Variants in GCNT4 observed in about 807,000 individuals in gnomAD.
GCNT4 encodes the protein glucosaminyl (N-acetyl) transferase 4.
Under a neutral mutation model 31.3 loss-of-function variants are expected in GCNT4, and 17 were observed. The ratio of observed to expected loss-of-function variants is 0.54; its 90% CI spans 0.37 to 0.81. GCNT4 has a LOEUF of 0.81. Ranked by LOEUF, GCNT4 falls within the 40% of genes least tolerant of loss-of-function variation. GCNT4 has a pLI of 0.00. For missense variants in GCNT4, 503 were observed against 525.5 expected (o/e 0.96, Z 0.42); for synonymous variants, 158 against 190.6 (o/e 0.83, Z 1.41).
intron 3 of GCNT4, among the ~76,000 whole-genome samples, chr5:75,040,305 A>T (rs1743291385): frequency 6.7e-6 from 1 of 150,082 alleles, no homozygotes; most frequent in South Asian, 2.1e-4. Context: ...CTCCTATCAC[A>T]CTCCTTGTTT....
At chr5:75,039,070 CTGTTTTTTTT>C (rs1296318645) in intron 3 of GCNT4, among the ~76,000 whole-genome samples, 3 of 151,878 alleles carry the variant, frequency 2.0e-5, no homozygotes, top group African/African-American at 7.3e-5. Flanking sequence ...ATCTTATTCA[CTGTTTTTTTT>C]TGTTTTGTTT....
rs73765652 is a variant in GCNT4, at chr5:75,034,776, C to G, written c.-1-4738G>C. ...ATGGTCTATAATAATTCAGTAAAAA[C>G]CTACTCCTCACTAAAGTCCCAATAG... On this transcript the variant is annotated intron_variant, in intron 3 of 3. Coordinates refer to ENST00000652361, the MANE Select transcript of GCNT4 (RefSeq NM_001366737.1). Among the ~76,000 whole-genome samples the G allele has an allele frequency of 8.1e-3, 1,239 of 152,332 alleles. 14 individuals carry two copies. The highest frequency in any genetic ancestry group is 0.029 in the African/African-American group (1,192 of 41,568).
chr5:75,036,166 A>C (rs12655792), intron 3 of GCNT4, among the ~76,000 whole-genome samples: 13,998 of 152,080 alleles, frequency 0.092, 798 homozygotes, highest in East Asian at 0.21. Context: ...AAAAAAAAAA[A>C]ACCTGTGTAT....
chr5:75,018,439 G>A, the GCNT4 span, among the ~76,000 whole-genome samples: 4 of 151,840 alleles, frequency 2.6e-5, no homozygotes, highest in African/African-American at 7.3e-5. Flanking sequence ...GTGCCACCAC[G>A]CCCAGCTAAT....
the GCNT4 span, among the ~76,000 whole-genome samples, chr5:75,017,246 T>C: frequency 1.3e-5 from 2 of 152,306 alleles, no homozygotes; most frequent in Admixed American, 6.5e-5. Flanking sequence ...ACAGCTTTTT[T>C]CCCCTCCATT....
In GCNT4 at chr5:75,025,895, A is replaced by G. The variant is rs1357316848; in HGVS notation, c.*2781T>C. The stretch of plus-strand genomic sequence containing the variant: ...TTCTGGTCTGATCTCTGAATAACTT[A>G]AAGTCTAGATTCAATAAATACAAAG... On this transcript the variant is annotated 3_prime_UTR_variant, in exon 4 of 4. Coordinates refer to ENST00000652361, the MANE Select transcript of GCNT4 (RefSeq NM_001366737.1). 6.6e-6 allele frequency: 1 copy of G among 152,216 alleles called. No homozygotes were observed. The highest frequency in any genetic ancestry group is 2.4e-5 in the African/African-American group (1 of 41,444). 9.4% of individuals were successfully genotyped at this position (152,216 alleles called of 1,614,324 possible).
chr5:75,029,631 G>T lies in GCNT4; in HGVS notation c.407C>A (p.Ser136Tyr). The T allele has an allele frequency of 1.2e-6, 2 of 1,614,092 alleles. No individual in the cohort carries two copies. Among genetic ancestry groups the T allele is most frequent in the Non-Finnish European group, 1.7e-6 (2 of 1,180,030 alleles). ...KEEKSFPIAY[S>Y]LVVHKDAIMV... is the part of the protein sequence containing the mutation. ...AATTGCATCTTTGTGGACAACCAAA[G>T]AATAGGCTATTGGGAAGCTTTTCTC... Residue 136 changes from serine (S) to tyrosine (Y), a missense_variant, in exon 4 of 4, where the codon TCT (serine) becomes TAT (tyrosine). Coordinates refer to ENST00000652361, the MANE Select transcript of GCNT4 (RefSeq NM_001366737.1).
rs1743414863 is a variant in GCNT4 at position 75,045,371 on chromosome 5, G to A, written c.-2+2526C>T. Among the ~76,000 whole-genome samples, 2 of 152,106 alleles carry A rather than the reference G, an allele frequency of 1.3e-5. 1 individual carries two copies. The highest frequency in any genetic ancestry group is 4.1e-4 in the South Asian group (2 of 4,824). On this transcript the variant is annotated intron_variant, in intron 3 of 3. Transcript: ENST00000652361. Reference sequence around the variant, plus strand: ...TTTACTCTAGGCCTCTATATCATAGGAATCATACAATATTTGTCCAATATT... The same window carrying A: ...TTTACTCTAGGCCTCTATATCATAGAAATCATACAATATTTGTCCAATATT...
chr5:75,050,751 C>T (rs750871638), intron 2 of GCNT4, among the ~76,000 whole-genome samples: 9 of 152,254 alleles, frequency 5.9e-5, no homozygotes, highest in Non-Finnish European at 1.2e-4. Context: ...CTCTCACACC[C>T]TACACAAAAC....
upstream of GCNT4, among the ~76,000 whole-genome samples, chr5:75,053,757 C>A (rs1361040741): frequency 1.3e-5 from 2 of 152,136 alleles, no homozygotes; most frequent in African/African-American, 2.4e-5. Flanking sequence ...GAGCTCCCTG[C>A]CCTGCGCTCC....
rs1307299562 is a variant in GCNT4 at position 75,025,628 on chromosome 5, T to C, written c.*3048A>G. On this transcript the variant is annotated 3_prime_UTR_variant, in exon 4 of 4. Transcript: ENST00000652361. ...TCACAAAGTGGATTATCATTTTTAT[T>C]TTCCATGAAATATGTCAAAATATAT... The C allele has an allele frequency of 6.6e-6, 1 of 152,248 alleles. No individual in the cohort carries two copies. Among genetic ancestry groups the C allele is most frequent in the East Asian group, 1.9e-4 (1 of 5,202 alleles). 9.4% of individuals were successfully genotyped at this position (152,248 alleles called of 1,614,324 possible).
upstream of GCNT4, among the ~76,000 whole-genome samples, chr5:75,053,060 A>G (rs1334292249): frequency 6.6e-6 from 1 of 151,828 alleles, no homozygotes; most frequent in Admixed American, 6.6e-5. Context: ...GAGCCCAGGA[A>G]GCCGGCTCCG....
intron 3 of GCNT4, among the ~76,000 whole-genome samples, chr5:75,039,870 T>C (rs1047903992): frequency 6.6e-6 from 1 of 152,114 alleles, no homozygotes; most frequent in Non-Finnish European, 1.5e-5. Flanking sequence ...CTAATCCCAC[T>C]CCCTACATCT....
chr5:75,026,400 C>T lies in GCNT4; in HGVS notation c.*2276G>A, dbSNP rs577616157. The T allele has an allele frequency of 6.6e-6, 1 of 152,050 alleles. No individual in the cohort carries two copies. The highest frequency in any genetic ancestry group is 6.6e-5 in the Admixed American group (1 of 15,262). The allele number at this position is 152,050 out of a possible 1,614,324, so 9.4% of individuals were successfully genotyped here. ...CTGTACCAACCTGTAACCCTATTGG[C>T]TTAGAAAGAAACCCCAAATGGGGTT... On this transcript the variant is annotated 3_prime_UTR_variant, in exon 4 of 4. Transcript: ENST00000652361.
intron 3 of GCNT4, among the ~76,000 whole-genome samples, chr5:75,040,497 G>C (rs977308760): frequency 6.6e-6 from 1 of 152,066 alleles, no homozygotes; most frequent in Non-Finnish European, 1.5e-5. Flanking sequence ...TCTAGTCTGG[G>C]CTCTGCCACA....
At chr5:75,032,223 T>C (rs751527581) in intron 3 of GCNT4, among the ~76,000 whole-genome samples, 12 of 152,154 alleles carry the variant, frequency 7.9e-5, no homozygotes, top group Non-Finnish European at 1.5e-4. Flanking sequence ...TCTCTTCTCC[T>C]GCATACTTGC....
Position 75,028,732 on chromosome 5 carries a change from T to C in GCNT4, c.1306A>G (p.Ile436Val). The change falls in exon 4 of 4, where the codon ATC becomes GTC. Residue 436 changes from isoleucine (I) to valine (V), a missense_variant. Coordinates refer to ENST00000652361, the MANE Select transcript of GCNT4 (RefSeq NM_001366737.1). Reference sequence around the variant, plus strand: ...AATAACTTTTCTGAGGGCAAAGTGATCCAGTCTCTCTGCTGTTCTTCAAGC... The same window carrying C: ...AATAACTTTTCTGAGGGCAAAGTGACCCAGTCTCTCTGCTGTTCTTCAAGC... ...EKLEEQQRDW[I>V]TLPSEKLFMD... 6.2e-7 allele frequency: 1 copy of C among 1,613,908 alleles called. No individual in the cohort carries two copies. Among genetic ancestry groups the C allele is most frequent in the Non-Finnish European group, 8.5e-7 (1 of 1,179,894 alleles).
At chr5:75,049,269 T>C (rs1743513521) in intron 2 of GCNT4, among the ~76,000 whole-genome samples, 1 of 152,258 alleles carries the variant, frequency 6.6e-6, no homozygotes, top group Non-Finnish European at 1.5e-5. Flanking sequence ...GCATCTTATA[T>C]GGTAGACATT....
rs539528423 is a variant in GCNT4 at position 75,029,922 on chromosome 5, G to T, written c.116C>A (p.Pro39Gln). Residue 39 changes from proline (P) to glutamine (Q), a missense_variant, in exon 4 of 4, where the codon CCG becomes CAG. Physicochemically the swap from Pro to Gln is moderately conservative, Grantham distance 76. Transcript: ENST00000652361. ...LKLLNVRRLF[P>Q]QKDIYLVEYS... ...CTCAACCAAGTAAATGTCTTTTTGC[G>T]GAAAGAGTCGTCTCACATTTAGAAG... 5 of 1,614,016 alleles carry T rather than the reference G, an allele frequency of 3.1e-6. 1 individual carries two copies. The South Asian group carries it at 5.5e-5, about 18-fold the overall frequency.
Sources: allele counts gnomAD v4.1 joint callset (sites outside exome capture counted in the v4.1 genomes callset), GRCh38; gene constraint gnomAD v4.1.1; transcripts MANE v1.5; gene names NCBI Gene and HGNC (gene_info 2026-07-23, HGNC 2026-07-21).